The following CA5A variants were observed in gnomAD, a reference collection of about 807,000 sequenced individuals.
CA5A encodes carbonic anhydrase 5A, mitochondrial.
In CA5A, 28 loss-of-function variants were observed where a neutral mutation model predicts 37.1. The observed-to-expected ratio is 0.75, with a 90% CI of 0.56 to 1.03. The LOEUF (loss-of-function observed/expected upper bound fraction) is 1.03. Ranked by LOEUF, CA5A falls within the 50% of genes least tolerant of loss-of-function variation. The pLI, the probability that CA5A is intolerant of heterozygous loss-of-function variation, is 0.00. For missense variants in CA5A, 444 were observed against 399.9 expected, an observed-to-expected ratio of 1.11 and a Z score of -0.94; for synonymous variants, 171 against 158.4, an observed-to-expected ratio of 1.08 and a Z score of -0.60.
chr16:87,921,736 G>A (rs575057625), intron 2 of CA5A, among the ~76,000 whole-genome samples: 43 of 152,342 alleles, frequency 2.8e-4, no homozygotes, highest in African/African-American at 9.9e-4. Flanking sequence ...CCCTTACAAA[G>A]CCACGGACTG....
intron 2 of CA5A, among the ~76,000 whole-genome samples, chr16:87,905,845 A>C (rs532482978): frequency 4.0e-4 from 61 of 152,176 alleles, no homozygotes; most frequent in Non-Finnish European, 5.3e-4. Flanking sequence ...GCCCCTCTCC[A>C]TGGCACAGTG....
intron 2 of CA5A, among the ~76,000 whole-genome samples, chr16:87,918,678 C>G (rs1255762548): frequency 6.6e-6 from 1 of 152,230 alleles, no homozygotes; most frequent in African/African-American, 2.4e-5. Flanking sequence ...CCTTCCCTTT[C>G]TCTTATGGGC....
chr16:87,923,564 CCT>C (rs2056259781), intron 2 of CA5A: 1 of 985,410 alleles, frequency 1.0e-6, no homozygotes, highest in East Asian at 1.1e-4. Flanking sequence ...CCTGGGGCCC[CCT>C]GTTCCCCACT....
At chr16:87,936,227 T>A in intron 1 of CA5A, 82 bp downstream of exon 1, 1 of 898,012 alleles carries the variant, frequency 1.1e-6, no homozygotes. Context: ...CTCGGGACGG[T>A]CTCTCCTCTC....
At chr16:87,929,151 G>A (rs1197316511) in intron 1 of CA5A, among the ~76,000 whole-genome samples, 2 of 148,636 alleles carry the variant, frequency 1.3e-5, no homozygotes, top group East Asian at 2.1e-4. Context: ...AGAAAACAAG[G>A]ATAAAGATGT....
At chr16:87,901,643 C>T (rs549465839) in intron 5 of CA5A, among the ~76,000 whole-genome samples, 20 of 151,204 alleles carry the variant, frequency 1.3e-4, no homozygotes, top group Admixed American at 2.0e-4. Flanking sequence ...GGCTGGAGTG[C>T]AATGACACGA....
In CA5A at chr16:87,936,401, T is replaced by A; in HGVS notation, c.50A>T (p.Glu17Val). The A allele has an allele frequency of 6.2e-7, 1 of 1,614,018 alleles. No individual in the cohort carries two copies. Among genetic ancestry groups the A allele is most frequent in the Non-Finnish European group, 8.5e-7 (1 of 1,179,948 alleles). ...WKTSAFSFLVEQMWAPLWSRS... is the reference protein window; with the variant it reads ...WKTSAFSFLVVQMWAPLWSRS... ...ACTCCAGAGAGGGGCCCACATCTGCTCAACCAAGAAGGAGAAAGCTGAGGT... is the reference window on the plus strand; with the variant it reads ...ACTCCAGAGAGGGGCCCACATCTGCACAACCAAGAAGGAGAAAGCTGAGGT... Residue 17 changes from glutamate to valine, a missense_variant, in exon 1 of 7, where the codon GAG (glutamate) becomes GTG (valine). Glu to Val is a moderately radical substitution (Grantham distance 121). Transcript: ENST00000649794.
At chr16:87,900,631 T>C (rs1479988060) in intron 5 of CA5A, among the ~76,000 whole-genome samples, 1 of 152,244 alleles carries the variant, frequency 6.6e-6, no homozygotes, top group Non-Finnish European at 1.5e-5. Context: ...TCAGCTGATC[T>C]TGGAGAAAGG....
chr16:87,897,254 A>G (rs2143928074), intron 5 of CA5A, among the ~76,000 whole-genome samples: 1 of 152,372 alleles, frequency 6.6e-6, no homozygotes, highest in East Asian at 1.9e-4. Context: ...GACTGTTGCG[A>G]AGGCAGGGAG....
At position 87,904,852 on chromosome 16, in the gene CA5A, G is replaced by A. The variant is rs763796811; in HGVS notation, c.393C>T (p.Phe131=). The A allele has an allele frequency of 1.4e-5, 23 of 1,613,478 alleles. No individual in the cohort carries two copies. Among genetic ancestry groups the A allele is most frequent in the Non-Finnish European group, 1.9e-5 (22 of 1,179,516 alleles). The change falls in exon 3 of 7, where the codon TTC becomes TTT. Residue 131 remains phenylalanine (F), a synonymous_variant. Transcript: ENST00000649794. Reference sequence around the variant, plus strand: ...CCCCCTCGTTCACTGCTCCCCAGTGGAAGTGAAATTGCTTCAGTCTGTAGT... The same window carrying A: ...CCCCCTCGTTCACTGCTCCCCAGTGAAAGTGAAATTGCTTCAGTCTGTAGT... ...ENHYRLKQFH[F]HWGAVNEGGS... is the part of the protein sequence containing the mutation.
chr16:87,896,436 C>G (rs993943586), intron 5 of CA5A, among the ~76,000 whole-genome samples: 3 of 152,328 alleles, frequency 2.0e-5, no homozygotes, highest in Middle Eastern at 6.8e-3. Context: ...ACTGCTCCCC[C>G]TCAGGGCCCC....
chr16:87,896,112 A>G (rs925425077), intron 5 of CA5A, among the ~76,000 whole-genome samples: 1 of 152,216 alleles, frequency 6.6e-6, no homozygotes, highest in African/African-American at 2.4e-5. Flanking sequence ...CAACCCTTTG[A>G]GAAGTATTTC....
intron 3 of CA5A, among the ~76,000 whole-genome samples, chr16:87,904,069 C>T (rs554927865): frequency 8.5e-5 from 13 of 152,126 alleles, no homozygotes; most frequent in South Asian, 2.1e-4. Flanking sequence ...TAGCCGGGTA[C>T]GGTGGCTCAC....
intron 4 of CA5A, among the ~76,000 whole-genome samples, 153 bp from the exon 5 acceptor site, chr16:87,902,127 G>A (rs1443625342): frequency 6.6e-6 from 1 of 152,014 alleles, no homozygotes; most frequent in Non-Finnish European, 1.5e-5. Context: ...GCCGAGGTGG[G>A]CGGATCATCT....
chr16:87,888,105 G>A lies in CA5A; in HGVS notation c.*24C>T. ...GCTTCCTTCCTTCAAAGTCAGTTCTGCTATTCATGTGGACCTAATGTCTCT... is the reference window on the plus strand; with the variant it reads ...GCTTCCTTCCTTCAAAGTCAGTTCTACTATTCATGTGGACCTAATGTCTCT... On this transcript the variant is annotated 3_prime_UTR_variant, in exon 7 of 7. Transcript: ENST00000649794. 1 of 1,568,436 alleles carries A rather than the reference G, an allele frequency of 6.4e-7. No homozygotes were observed. The highest frequency in any genetic ancestry group is 8.7e-7 in the Non-Finnish European group (1 of 1,153,208).
chr16:87,905,483 T>C (rs1364934414), intron 2 of CA5A, among the ~76,000 whole-genome samples: 1 of 152,090 alleles, frequency 6.6e-6, no homozygotes, highest in Non-Finnish European at 1.5e-5. Flanking sequence ...CCCAGCCTCC[T>C]GAGTAGCTGG....
intron 2 of CA5A, among the ~76,000 whole-genome samples, chr16:87,921,763 C>T (rs2056233829): frequency 6.6e-6 from 1 of 152,222 alleles, no homozygotes; most frequent in African/African-American, 2.4e-5. Flanking sequence ...TCAGCGGCAC[C>T]TGGGAGCCTG....
At chr16:87,927,032 G>C in intron 1 of CA5A, 87 bp from the exon 2 acceptor site, 1 of 920,500 alleles carries the variant, frequency 1.1e-6, no homozygotes, top group South Asian at 1.6e-5. Context: ...GGCCGCACGA[G>C]ACCCCTCACG....
Position 87,916,639 on chromosome 16 carries a change from G to T in CA5A, c.340+10109C>A, listed in dbSNP as rs143119646. On this transcript the variant is annotated intron_variant, in intron 2 of 6. Transcript: ENST00000649794. Reference sequence around the variant, plus strand: ...TTTTTCTGTAAACTTGTGTAGAGAAGTACCTATTTATTAATTAATGTTTAC... The same window carrying T: ...TTTTTCTGTAAACTTGTGTAGAGAATTACCTATTTATTAATTAATGTTTAC... 3.0e-4 allele frequency among the ~76,000 whole-genome samples: 45 copies of T among 152,302 alleles called. 1 individual carries two copies. The South Asian group carries it at 6.4e-3, about 22-fold the overall frequency.
Sources: allele counts gnomAD v4.1 joint callset (sites outside exome capture counted in the v4.1 genomes callset), GRCh38; gene constraint gnomAD v4.1.1; transcripts MANE v1.5; gene names NCBI Gene and HGNC (gene_info 2026-07-23, HGNC 2026-07-21).